The following SLC36A1 variants were observed in gnomAD, a reference collection of about 807,000 sequenced individuals.
SLC36A1 encodes proton-coupled amino acid transporter 1.
Under a neutral mutation model 47.5 loss-of-function variants are expected in SLC36A1, and 30 were observed. The ratio of observed to expected loss-of-function variants is 0.63; its 90% CI spans 0.47 to 0.86. SLC36A1 has a LOEUF of 0.86. Among genes scored for constraint, SLC36A1 ranks in the 40% least tolerant of loss-of-function variants. The pLI, the probability that SLC36A1 is intolerant of heterozygous loss-of-function variation, is 0.00. For missense variants in SLC36A1, 517 were observed against 606.0 expected (o/e 0.85, Z 1.54); for synonymous variants, 255 against 249.7 (o/e 1.02, Z -0.20).
At chr5:151,456,950 G>A (rs1754620131) in intron 1 of SLC36A1, among the ~76,000 whole-genome samples, 1 of 152,152 alleles carries the variant, frequency 6.6e-6, no homozygotes, top group South Asian at 2.1e-4. Context: ...TGGAGGTCCT[G>A]TCTCCTCTCA....
At chr5:151,454,653 A>G (rs1754208410) in intron 1 of SLC36A1, among the ~76,000 whole-genome samples, 1 of 149,470 alleles carries the variant, frequency 6.7e-6, no homozygotes, top group South Asian at 2.1e-4. Flanking sequence ...CCACGTACTG[A>G]TCCTAGCCCT....
intron 7 of SLC36A1, among the ~76,000 whole-genome samples, chr5:151,472,072 T>C (rs1332238301): frequency 6.6e-6 from 1 of 152,120 alleles, no homozygotes; most frequent in Non-Finnish European, 1.5e-5. Context: ...TTAGTCAGGG[T>C]TCTCTAGAGG....
upstream of SLC36A1, among the ~76,000 whole-genome samples, chr5:151,447,213 G>A (rs947045991): frequency 5.3e-5 from 8 of 152,310 alleles, no homozygotes; most frequent in Non-Finnish European, 1.2e-4. Context: ...TCCATTTCCA[G>A]TAGCAACCAC....
the SLC36A1 span, among the ~76,000 whole-genome samples, chr5:151,388,501 C>CAAAAAAAAAAAAAAAA: frequency 1.1e-5 from 1 of 90,776 alleles, no homozygotes; most frequent in Non-Finnish European, 2.0e-5. Flanking sequence ...AACTCCATCT[C>CAAAAAAAAAAAAAAAA]AAAAGAAAAA....
At chr5:151,452,070 C>G (rs1022783680) in intron 1 of SLC36A1, among the ~76,000 whole-genome samples, 3 of 152,128 alleles carry the variant, frequency 2.0e-5, no homozygotes, top group Non-Finnish European at 4.4e-5. Context: ...ATTTAGTGAT[C>G]TTCATGGTTG....
At chr5:151,391,966 C>T in the SLC36A1 span, among the ~76,000 whole-genome samples, 1 of 152,152 alleles carries the variant, frequency 6.6e-6, no homozygotes, top group African/African-American at 2.4e-5. Flanking sequence ...GGAATAGTTT[C>T]AGAAGGAATG....
chr5:151,400,734 G>A, the SLC36A1 span, among the ~76,000 whole-genome samples: 1 of 151,956 alleles, frequency 6.6e-6, no homozygotes, highest in Admixed American at 6.6e-5. Context: ...GGTGTGAGAT[G>A]GTAGCTCTTT....
Position 151,453,476 on chromosome 5 carries a change from G to A in SLC36A1, c.-5-5312G>A, listed in dbSNP as rs1753980597. 2.0e-5 allele frequency among the ~76,000 whole-genome samples: 3 copies of A among 151,820 alleles called. No homozygotes were observed. The South Asian group carries it at 6.2e-4, about 32-fold the overall frequency. On this transcript the variant is annotated intron_variant, in intron 1 of 10. Transcript: ENST00000243389. ...TTCAAGTGTAAGATAGCTATTTATG[G>A]CTAGTGGTTACTGTACTGGATGGTA...
At chr5:151,479,204 G>T (rs1758484015) in intron 9 of SLC36A1, 116 bp from the exon 10 acceptor site, 3 of 1,111,786 alleles carry the variant, frequency 2.7e-6, no homozygotes, top group Admixed American at 4.2e-5. Flanking sequence ...CGAAGGACAT[G>T]TGGGTTTGTA....
chr5:151,416,727 C>T, the SLC36A1 span, among the ~76,000 whole-genome samples: 4 of 152,330 alleles, frequency 2.6e-5, no homozygotes, highest in African/African-American at 9.6e-5. Context: ...TCCATCCACA[C>T]TCAGGATAAT....
downstream of SLC36A1, among the ~76,000 whole-genome samples, chr5:151,495,070 T>C (rs1760300699): frequency 6.6e-6 from 1 of 152,248 alleles, no homozygotes. Flanking sequence ...TGGCAAATTA[T>C]TTTCCAAAGT....
At chr5:151,379,021 GAGTTGGCAAAGCCCAAGCCCTGGAAA>G in the SLC36A1 span, among the ~76,000 whole-genome samples, 13 of 152,364 alleles carry the variant, frequency 8.5e-5, no homozygotes, top group Non-Finnish European at 7.3e-5. Flanking sequence ...AATTGGGTCA[GAGTTGGCAAAGCCCAAGCCCTGGAAA>G]TTTCTCCCAG....
intron 9 of SLC36A1, 107 bp downstream of exon 9, chr5:151,476,863 A>G: frequency 7.4e-7 from 1 of 1,354,866 alleles, no homozygotes; most frequent in Non-Finnish European, 1.0e-6. Flanking sequence ...AGCCCACTTC[A>G]CTCTAGCCCA....
downstream of SLC36A1, among the ~76,000 whole-genome samples, chr5:151,497,186 A>C (rs111913602): frequency 2.0e-5 from 3 of 152,360 alleles, 1 homozygote; most frequent in African/African-American, 7.2e-5. Flanking sequence ...ATCCTAGTCC[A>C]GTCCCTGATC....
At chr5:151,350,990 G>A in the SLC36A1 span, among the ~76,000 whole-genome samples, 5 of 152,138 alleles carry the variant, frequency 3.3e-5, no homozygotes, top group Non-Finnish European at 7.3e-5. Flanking sequence ...TAACAATACT[G>A]CTCCCTTTCT....
the SLC36A1 span, among the ~76,000 whole-genome samples, chr5:151,354,194 C>G: frequency 2.0e-5 from 3 of 152,132 alleles, no homozygotes; most frequent in East Asian, 1.9e-4. Context: ...ATCCCAGTTA[C>G]TCTGGAGGCT....
chr5:151,473,732 C>G lies in SLC36A1; in HGVS notation c.783C>G (p.Phe261Leu). The change falls in exon 8 of 11, where the codon TTC (phenylalanine) becomes TTG (leucine). Residue 261 changes from phenylalanine to leucine, a missense_variant. Transcript: ENST00000243389. ...LVAPWKTYPL[F>L]FGTAIFSFEG... ...CCCCTTGGAAGACCTACCCTCTCTT[C>G]TTTGGCACAGCGATTTTTTCATTTG... 1.2e-6 allele frequency: 2 copies of G among 1,614,102 alleles called. No homozygotes were observed. Among genetic ancestry groups the G allele is most frequent in the South Asian group, 2.2e-5 (2 of 91,078 alleles).
the SLC36A1 span, chr5:151,521,894 T>C: frequency 6.2e-7 from 1 of 1,613,926 alleles, no homozygotes; most frequent in South Asian, 1.1e-5. Context: ...TCTGCCAGGC[T>C]ATAGGTCAGC....
chr5:151,345,456 G>T, the SLC36A1 span, among the ~76,000 whole-genome samples: 19 of 152,138 alleles, frequency 1.2e-4, no homozygotes, highest in Non-Finnish European at 2.2e-4. Flanking sequence ...GAATCTATGG[G>T]CAGAGGCTCA....
Sources: gnomAD v4.1 joint callset for allele counts (sites outside exome capture counted in the v4.1 genomes callset) on GRCh38, gnomAD v4.1.1 for gene constraint, MANE v1.5 for transcripts, NCBI Gene and HGNC (gene_info 2026-07-23, HGNC 2026-07-21) for gene names.